The following FAT4 variants were observed in gnomAD, a reference collection of about 807,000 sequenced individuals.
FAT4 encodes the protein FAT atypical cadherin 4.
A neutral mutation model predicts 303.9 loss-of-function variants in FAT4; 84 were observed. That is an observed-to-expected ratio of 0.28 (90% confidence interval 0.23 to 0.33). FAT4 has a LOEUF of 0.33. FAT4 is among the 10% of genes least tolerant of loss of function. The pLI is 1.00. For synonymous variants in FAT4, 2,307 were observed against 2,298.8 expected (o/e 1.00, Z -0.10); for missense variants, 6,005 against 6,146.8 (o/e 0.98, Z 0.77).
rs372756130 is a variant in FAT4 at position 125,440,610 on chromosome 4, T to TGTGTGTGTGAGAGA, written c.7200-5682_7200-5681insTGTGTGTGAGAGAG. Among the ~76,000 whole-genome samples the TGTGTGTGTGAGAGA allele has an allele frequency of 2.2e-4, 17 of 75,750 alleles. No homozygotes were observed. In the South Asian group the frequency reaches 4.2e-3, roughly 19 times the overall value. The allele number at this position is 75,750 out of a possible 152,430, so 49.7% of individuals were successfully genotyped here. A position where few individuals can be genotyped will look rare whatever the true frequency, so the allele number is the denominator to read the frequency against. ...GTGTGTGTGTGTGTGTGTGTGTGTGTGAGAGAGAGAGAGAGAGAGAGAGAG... is the reference window on the plus strand; with the variant it reads ...GTGTGTGTGTGTGTGTGTGTGTGTGTGTGTGTGTGAGAGAGAGAGAGAGAGAGAGAGAGAGAGAG... On this transcript the variant is annotated intron_variant, in intron 8 of 17. Transcript: ENST00000394329.
chr4:125,372,581 ATGGGGAAGC>A (rs1225269560), intron 2 of FAT4, among the ~76,000 whole-genome samples: 3 of 152,160 alleles, frequency 2.0e-5, no homozygotes, highest in Non-Finnish European at 4.4e-5. Flanking sequence ...TTACTGGTGA[ATGGGGAAGC>A]TGGCTTAAAA....
chr4:125,342,691 G>A (rs114558047), intron 2 of FAT4, among the ~76,000 whole-genome samples: 1,936 of 151,658 alleles, frequency 0.013, 14 homozygotes, highest in Non-Finnish European at 0.021. Flanking sequence ...TTTTGTAGAC[G>A]TCATCATATA....
chr4:125,452,117 T>C lies in FAT4; in HGVS notation c.11107T>C (p.Phe3703Leu). Residue 3703 changes from phenylalanine (F) to leucine (L), a missense_variant, in exon 10 of 18, where the codon TTT (phenylalanine) becomes CTT (leucine). By Grantham distance (22) the Phe-to-Leu change is conservative. Coordinates refer to ENST00000394329, the MANE Select transcript of FAT4 (RefSeq NM_001291303.3). The part of the protein sequence containing the change: ...STVTSNIRVF[F>L]AGFSNATVDN... The stretch of plus-strand genomic sequence containing the variant: ...AGTCACGAGCAACATCCGAGTTTTC[T>C]TTGCTGGATTTTCCAATGCCACAGT... 1.2e-6 allele frequency: 2 copies of C among 1,614,186 alleles called. No individual in the cohort carries two copies. Among genetic ancestry groups the C allele is most frequent in the Non-Finnish European group, 1.7e-6 (2 of 1,180,034 alleles).
chr4:125,478,739 C>G (rs2126085083), intron 14 of FAT4, among the ~76,000 whole-genome samples: 1 of 152,184 alleles, frequency 6.6e-6, no homozygotes, highest in Admixed American at 6.5e-5. Flanking sequence ...CCATGTTGAC[C>G]AGGCTGGTCT....
At chr4:125,457,142 CACACACACACACA>C (rs1560621162) in intron 10 of FAT4, among the ~76,000 whole-genome samples, 3,231 of 134,200 alleles carry the variant, frequency 0.024, 127 homozygotes, top group African/African-American at 0.08. Flanking sequence ...CACACACACA[CACACACACACACA>C]CCACTGAGTA....
At chr4:125,362,134 TA>T (rs1170584838) in intron 2 of FAT4, among the ~76,000 whole-genome samples, 3 of 152,172 alleles carry the variant, frequency 2.0e-5, no homozygotes, top group Non-Finnish European at 4.4e-5. Context: ...GATGTGCTGA[TA>T]ATACAATGTT....
chr4:125,424,592 T>G (rs1481305006), intron 7 of FAT4, among the ~76,000 whole-genome samples: 2 of 152,190 alleles, frequency 1.3e-5, no homozygotes, highest in Non-Finnish European at 2.9e-5. Context: ...CTTATTGATA[T>G]TTAACAAGTC....
At chr4:125,394,407 G>C (rs1734088285) in intron 2 of FAT4, among the ~76,000 whole-genome samples, 1 of 152,110 alleles carries the variant, frequency 6.6e-6, no homozygotes. Context: ...GGCAATGCTG[G>C]CACTGAAAGC....
intron 2 of FAT4, among the ~76,000 whole-genome samples, chr4:125,338,497 GATACAC>G (rs1303906842): frequency 6.6e-6 from 1 of 152,110 alleles, no homozygotes; most frequent in East Asian, 1.9e-4. Flanking sequence ...GTTCAGGTCA[GATACAC>G]ATATTTCAAA....
intron 2 of FAT4, among the ~76,000 whole-genome samples, chr4:125,397,363 A>G (rs1455190550): frequency 6.6e-6 from 1 of 152,140 alleles, no homozygotes; most frequent in East Asian, 1.9e-4. Flanking sequence ...GGTCTCTCTA[A>G]TTCTAAAACC....
At position 125,320,700 on chromosome 4, in the gene FAT4, T is replaced by C. The variant is rs764916545; in HGVS notation, c.4289T>C (p.Val1430Ala). The C allele has an allele frequency of 6.2e-7, 1 of 1,614,094 alleles. No homozygotes were observed. The highest frequency in any genetic ancestry group is 1.1e-5 in the South Asian group (1 of 91,074). The part of the protein sequence containing the change: ...FPPGDIFKSI[V>A]ENIPIGTSVI... ...CCTGGAGATATTTTCAAGTCTATTGTTGAGAACATTCCCATCGGTACATCT... is the reference window on the plus strand; with the variant it reads ...CCTGGAGATATTTTCAAGTCTATTGCTGAGAACATTCCCATCGGTACATCT... The change falls in exon 2 of 18, where the codon GTT becomes GCT. Residue 1430 changes from valine to alanine, a missense_variant. Physicochemically the swap from Val to Ala is moderately conservative, Grantham distance 64 (BLOSUM62 0). Coordinates refer to ENST00000394329, the MANE Select transcript of FAT4 (RefSeq NM_001291303.3).
chr4:125,319,738 C>T lies in FAT4; in HGVS notation c.3327C>T (p.Phe1109=), dbSNP rs763960674. Residue 1109 remains phenylalanine, a synonymous_variant, in exon 2 of 18, where the codon TTC becomes TTT. Coordinates refer to ENST00000394329, the MANE Select transcript of FAT4 (RefSeq NM_001291303.3). Reference sequence around the variant, plus strand: ...ACAGTACCAATTACACATTTTACTTCGAAGAAGAGCAGAGGGCTGGGTCGT... The same window carrying T: ...ACAGTACCAATTACACATTTTACTTTGAAGAAGAGCAGAGGGCTGGGTCGT... ...LFNSTNYTFY[F]EEEQRAGSFV... is the part of the protein sequence containing the mutation. 17 of 1,613,992 alleles carry T rather than the reference C, an allele frequency of 1.1e-5. No individual in the cohort carries two copies. The highest frequency in any genetic ancestry group is 1.3e-5 in the Non-Finnish European group (15 of 1,180,016).
At position 125,450,324 on chromosome 4, in the gene FAT4, G is replaced by A. The variant is rs1726008013; in HGVS notation, c.9314G>A (p.Ser3105Asn). 2 of 1,614,082 alleles carry A rather than the reference G, an allele frequency of 1.2e-6. No homozygotes were observed. The highest frequency in any genetic ancestry group is 1.3e-5 in the African/African-American group (1 of 75,036). Reference sequence around the variant, plus strand: ...AGTGCAACCATCCCTGAGAGCCATAGCATTGGGTCCATTGTCAGAACTGTT... The same window carrying A: ...AGTGCAACCATCCCTGAGAGCCATAACATTGGGTCCATTGTCAGAACTGTT... The part of the protein sequence containing the change: ...HMSATIPESH[S>N]IGSIVRTVSA... The change falls in exon 10 of 18, where the codon AGC becomes AAC. Residue 3105 changes from serine to asparagine, a missense_variant. Ser to Asn is a conservative substitution (Grantham distance 46, BLOSUM62 1). Transcript: ENST00000394329.
rs1248897410 is a variant in FAT4 at position 125,363,497 on chromosome 4, T to TTA, written c.5176-35277_5176-35276dup. On this transcript the variant is annotated intron_variant, in intron 2 of 17. Coordinates refer to ENST00000394329, the MANE Select transcript of FAT4 (RefSeq NM_001291303.3). The stretch of plus-strand genomic sequence containing the variant: ...TATATCAATATAGCTTTTTTTTAAT[T>TTA]TATATATATATTTTTTTGAGAAAGA... Among the ~76,000 whole-genome samples, 6 of 151,730 alleles carry TTA rather than the reference T, an allele frequency of 4.0e-5. 1 individual carries two copies. The highest frequency in any genetic ancestry group is 3.9e-4 in the East Asian group (2 of 5,180).
chr4:125,490,955 G>A lies in FAT4; in HGVS notation c.14139G>A (p.Thr4713=), dbSNP rs1336245600. ...HSPAPFSKSS[T]FYRNSPAREL... is the part of the protein sequence containing the mutation. ...CAGCCCCTTTCTCCAAATCTTCTAC[G>A]TTCTATAGAAACAGCCCAGCAAGGG... Residue 4713 remains threonine (T), a synonymous_variant, in exon 18 of 18, where the codon ACG becomes ACA. Transcript: ENST00000394329. The A allele has an allele frequency of 2.3e-5, 37 of 1,613,988 alleles. No homozygotes were observed. The East Asian group carries it at 3.1e-4, about 14-fold the overall frequency.
At chr4:125,460,643 C>G (rs1726451637) in intron 10 of FAT4, among the ~76,000 whole-genome samples, 1 of 152,096 alleles carries the variant, frequency 6.6e-6, no homozygotes, top group Non-Finnish European at 1.5e-5. Context: ...GCATAGTATT[C>G]CATGATGTGT....
chr4:125,348,036 G>A (rs1732071735), intron 2 of FAT4, among the ~76,000 whole-genome samples: 1 of 151,652 alleles, frequency 6.6e-6, no homozygotes, highest in Non-Finnish European at 1.5e-5. Flanking sequence ...GGATCAGAAG[G>A]CCCAGAGTTC....
intron 5 of FAT4, among the ~76,000 whole-genome samples, chr4:125,412,646 A>G (rs953338193): frequency 6.6e-6 from 1 of 151,800 alleles, no homozygotes; most frequent in Non-Finnish European, 1.5e-5. Flanking sequence ...TGCCTCTGCA[A>G]TTTAGCTGTT....
chr4:125,370,619 C>A (rs777204153), intron 2 of FAT4, among the ~76,000 whole-genome samples: 1 of 152,114 alleles, frequency 6.6e-6, no homozygotes, highest in Non-Finnish European at 1.5e-5. Context: ...CTCTAAATCA[C>A]GTATACAGAC....
Sources: allele counts gnomAD v4.1 joint callset (sites outside exome capture counted in the v4.1 genomes callset), GRCh38; gene constraint gnomAD v4.1.1; transcripts MANE v1.5; gene names NCBI Gene and HGNC (gene_info 2026-07-23, HGNC 2026-07-21).